ANK3: variants seen among roughly 807,000 people sequenced by gnomAD.
ANK3 encodes the protein ankyrin 3, also known as ankyrin-3.
In ANK3, 57 loss-of-function variants were observed where a neutral mutation model predicts 370.9. The observed-to-expected ratio is 0.15, with a 90% confidence interval of 0.12 to 0.19. The LOEUF (loss-of-function observed/expected upper bound fraction) is 0.19, where lower values mean the gene tolerates loss of function less well. Among genes scored for constraint, ANK3 ranks in the 10% least tolerant of loss-of-function variants. ANK3 has a pLI of 1.00. For synonymous variants in ANK3, 1,929 were observed against 1,946.3 expected (o/e 0.99, Z 0.23); for missense variants, 4,439 against 5,302.1 (o/e 0.84, Z 5.06).
chr10:60,563,955 C>A (rs2077399554), intron 2 of ANK3, among the ~76,000 whole-genome samples: 1 of 152,142 alleles, frequency 6.6e-6, no homozygotes, highest in African/African-American at 2.4e-5. Flanking sequence ...TTCATCCAAT[C>A]TCTCCTTACA....
intron 1 of ANK3, among the ~76,000 whole-genome samples, chr10:60,336,030 C>T (rs1404759496): frequency 5.3e-5 from 8 of 151,578 alleles, no homozygotes; most frequent in African/African-American, 1.5e-4. Flanking sequence ...AAATATTCTT[C>T]GGATGCGGAA....
At chr10:60,432,576 A>C (rs914373836) in intron 2 of ANK3, among the ~76,000 whole-genome samples, 1 of 152,216 alleles carries the variant, frequency 6.6e-6, no homozygotes, top group Non-Finnish European at 1.5e-5. Flanking sequence ...GGAATTGACT[A>C]TCCATGGAGT....
intron 1 of ANK3, among the ~76,000 whole-genome samples, chr10:60,721,239 CAGAAG>C (rs2079859118): frequency 6.6e-6 from 1 of 152,014 alleles, no homozygotes. Flanking sequence ...GAAAGTTGCC[CAGAAG>C]AGGAGTACTT....
chr10:60,557,688 G>C (rs543351128), intron 2 of ANK3, among the ~76,000 whole-genome samples: 1 of 152,076 alleles, frequency 6.6e-6, no homozygotes, highest in Admixed American at 6.5e-5. Context: ...TGAGTATTTT[G>C]TCACAATTTA....
intron 1 of ANK3, among the ~76,000 whole-genome samples, chr10:60,649,352 T>C (rs1338982165): frequency 1.3e-5 from 2 of 152,148 alleles, no homozygotes; most frequent in African/African-American, 2.4e-5. Context: ...AGTTCTTTAA[T>C]AGTATAATGA....
chr10:60,414,915 T>C (rs1048280217), intron 2 of ANK3, among the ~76,000 whole-genome samples: 7 of 152,130 alleles, frequency 4.6e-5, no homozygotes, highest in African/African-American at 1.7e-4. Flanking sequence ...TTTGGAGATA[T>C]TATCAGTATG....
At chr10:60,300,652 G>A (rs1319247931) in intron 1 of ANK3, 1 of 700,426 alleles carries the variant, frequency 1.4e-6, no homozygotes, top group Non-Finnish European at 1.8e-6. Flanking sequence ...GAGAATAGCA[G>A]GGCAATCAGC....
At chr10:60,474,225 A>G (rs1459118892) in intron 2 of ANK3, among the ~76,000 whole-genome samples, 1 of 151,824 alleles carries the variant, frequency 6.6e-6, no homozygotes, top group African/African-American at 2.4e-5. Context: ...ACTATCCTTC[A>G]GCAGTTTTTC....
intron 2 of ANK3, among the ~76,000 whole-genome samples, chr10:60,469,077 ATATATATATATATATATACCACTTTTAG>A (rs2065096741): frequency 3.8e-5 from 3 of 77,980 alleles, no homozygotes; most frequent in Non-Finnish European, 5.0e-5. Flanking sequence ...ATATATATAT[ATATATATATATATATATACCACTTTTAG>A]TATATATATA....
rs183980325 is a variant in ANK3, at chr10:60,317,462, A to G, written c.115-37823T>C. Among the ~76,000 whole-genome samples, 910 of 152,036 alleles carry G rather than the reference A, an allele frequency of 6.0e-3. 7 individuals are homozygous for G. Among genetic ancestry groups the G allele is most frequent in the African/African-American group, 0.021 (872 of 41,466 alleles). ...CTTTTTAAACTCCCTTGTGTCCCCC[A>G]TCCTCCTTAGCCTGCTTGATTTGTT... On this transcript the variant is annotated intron_variant, in intron 1 of 43. Transcript: ENST00000280772.
rs144745492 is a variant in ANK3 at position 60,196,241 on chromosome 10, G to A, written c.1791C>T (p.Ser597=). The A allele has an allele frequency of 1.0e-4, 167 of 1,613,542 alleles. 1 individual carries two copies. The highest frequency in any genetic ancestry group is 8.4e-4 in the South Asian group (76 of 90,936). The change falls in exon 16 of 44, where the codon AGC becomes AGT. Residue 597 remains serine (S), a splice_region_variant and synonymous_variant. Coordinates refer to ENST00000280772, the MANE Select transcript of ANK3 (RefSeq NM_020987.5). ...CAGCTACATGCAGTGGTGTTAGCCCGCTCTGAAAACACGTGCAGAAACAAC... is the reference window on the plus strand; with the variant it reads ...CAGCTACATGCAGTGGTGTTAGCCCACTCTGAAAACACGTGCAGAAACAAC... ...KSASPDAAGK[S]GLTPLHVAAH...
At chr10:60,463,802 A>T (rs2064947832) in intron 2 of ANK3, among the ~76,000 whole-genome samples, 1 of 151,344 alleles carries the variant, frequency 6.6e-6, no homozygotes, top group East Asian at 2.0e-4. Context: ...AACAAATATA[A>T]TAAAATCAGC....
intron 23 of ANK3, among the ~76,000 whole-genome samples, chr10:60,158,370 T>C (rs2095408260): frequency 6.6e-6 from 1 of 150,464 alleles, no homozygotes; most frequent in African/African-American, 2.4e-5. Context: ...ACTCATACCT[T>C]TGTAGGAAGA....
chr10:60,262,185 C>A (rs1414175438), intron 6 of ANK3, among the ~76,000 whole-genome samples: 1 of 152,130 alleles, frequency 6.6e-6, no homozygotes, highest in East Asian at 1.9e-4. Flanking sequence ...GGAGACTGAG[C>A]AATTTTAGTA....
At position 60,075,471 on chromosome 10, in the gene ANK3, G is replaced by C. The variant is rs1173002086; in HGVS notation, c.5410C>G (p.Leu1804Val). 8 of 1,612,556 alleles carry C rather than the reference G, an allele frequency of 5.0e-6. No individual in the cohort carries two copies. The highest frequency in any genetic ancestry group is 6.8e-6 in the Non-Finnish European group (8 of 1,180,004). Residue 1804 changes from leucine to valine, a missense_variant, in exon 37 of 44, where the codon CTT (leucine) becomes GTT (valine). Physicochemically the swap from Leu to Val is conservative, Grantham distance 32 (BLOSUM62 1). Transcript: ENST00000280772. ...TPSASALYTS[L>V]GSSISATTSS... The stretch of plus-strand genomic sequence containing the variant: ...GTAGTTGCAGATATTGACGACCCAA[G>C]GGATGTATAGAGTGCACTTGCGGAA...
At chr10:60,497,472 C>T (rs1358051153) in intron 2 of ANK3, among the ~76,000 whole-genome samples, 2 of 152,158 alleles carry the variant, frequency 1.3e-5, no homozygotes, top group African/African-American at 4.8e-5. Context: ...GTCATGTATT[C>T]ACACTTTGTA....
At chr10:60,143,585 A>T (rs937525106) in intron 23 of ANK3, among the ~76,000 whole-genome samples, 11 of 152,222 alleles carry the variant, frequency 7.2e-5, no homozygotes, top group African/African-American at 2.7e-4. Context: ...GGTGCAGTGA[A>T]ATAAGAGCTG....
chr10:60,541,337 AC>A (rs1430332058), intron 2 of ANK3, among the ~76,000 whole-genome samples: 11 of 151,984 alleles, frequency 7.2e-5, no homozygotes, highest in Non-Finnish European at 1.3e-4. Context: ...AGTAGGCATC[AC>A]TTTTCTAATC....
chr10:60,227,312 T>A (rs1387085629), intron 8 of ANK3, among the ~76,000 whole-genome samples: 1 of 152,064 alleles, frequency 6.6e-6, no homozygotes, highest in Non-Finnish European at 1.5e-5. Context: ...ATTCTTATAA[T>A]TGTCTTTCCC....
Sources: gnomAD v4.1 joint callset for allele counts (sites outside exome capture counted in the v4.1 genomes callset) on GRCh38, gnomAD v4.1.1 for gene constraint, MANE v1.5 for transcripts, NCBI Gene and HGNC (gene_info 2026-07-23, HGNC 2026-07-21) for gene names.